The following LRRC1 variants were observed in gnomAD, a reference collection of about 807,000 sequenced individuals.
LRRC1 encodes leucine rich repeat containing 1, also known as leucine-rich repeat-containing protein 1.
In LRRC1, 28 loss-of-function variants were observed where a neutral mutation model predicts 69.9. That is an observed-to-expected ratio of 0.40 (90% CI 0.30 to 0.55). The LOEUF (loss-of-function observed/expected upper bound fraction) is 0.55. Among genes scored for constraint, LRRC1 ranks in the 20% least tolerant of loss-of-function variants. The pLI is 0.47. For synonymous variants in LRRC1, 236 were observed against 240.2 expected (o/e 0.98, Z 0.16); for missense variants, 498 against 609.0 (o/e 0.82, Z 1.92).
chr6:53,820,806 T>G (rs1452711334), intron 1 of LRRC1, among the ~76,000 whole-genome samples: 1 of 152,090 alleles, frequency 6.6e-6, no homozygotes, highest in Non-Finnish European at 1.5e-5. Flanking sequence ...GAAGTGTACA[T>G]GTAGTAAAAT....
chr6:53,922,665 C>G lies in LRRC1; in HGVS notation c.1447C>G (p.Pro483Ala). The G allele has an allele frequency of 1.2e-6, 2 of 1,613,852 alleles. No individual in the cohort carries two copies. Among genetic ancestry groups the G allele is most frequent in the Non-Finnish European group, 1.7e-6 (2 of 1,179,852 alleles). Residue 483 changes from proline (P) to alanine (A), a missense_variant, in exon 14 of 14, where the codon CCA (proline) becomes GCA (alanine). Around this residue, in one of 3 missense-constraint regions of LRRC1, gnomAD observed 162 missense variants for 162.9 expected, o/e 0.99. Transcript: ENST00000370888. Reference sequence around the variant, plus strand: ...ACTTCTAAGGCGAGCCACTCCACACCCAGGGGAGTTAAAGCACATGAAAAA... The same window carrying G: ...ACTTCTAAGGCGAGCCACTCCACACGCAGGGGAGTTAAAGCACATGAAAAA... Reference protein sequence around the residue: ...RTLLRRATPHPGELKHMKKTV... With the variant: ...RTLLRRATPHAGELKHMKKTV...
rs760663842 is a variant in LRRC1 at position 53,899,841 on chromosome 6, C to T, written c.737C>T (p.Thr246Met). 9.9e-6 allele frequency: 16 copies of T among 1,613,926 alleles called. No homozygotes were observed. The highest frequency in any genetic ancestry group is 8.9e-5 in the East Asian group (4 of 44,882). Residue 246 changes from threonine (T) to methionine (M), a missense_variant, in exon 8 of 14, where the codon ACG becomes ATG. Transcript: ENST00000370888. ...PEEISGLTSLTDLVISQNLLE... is the reference protein window; with the variant it reads ...PEEISGLTSLMDLVISQNLLE... ...GAAATCAGTGGCCTGACTTCATTAACGGATTTAGTCATTTCCCAGAACTTA... is the reference window on the plus strand; with the variant it reads ...GAAATCAGTGGCCTGACTTCATTAATGGATTTAGTCATTTCCCAGAACTTA...
chr6:53,796,210 T>A (rs1764297419), intron 1 of LRRC1, among the ~76,000 whole-genome samples: 1 of 152,266 alleles, frequency 6.6e-6, no homozygotes, highest in South Asian at 2.1e-4. Context: ...TGATGCGTTA[T>A]CTCTTCAGAG....
At chr6:53,861,286 TG>T (rs998983770) in intron 2 of LRRC1, among the ~76,000 whole-genome samples, 1 of 151,842 alleles carries the variant, frequency 6.6e-6, no homozygotes, top group African/African-American at 2.4e-5. Context: ...CCTTGAACAA[TG>T]CCCGAGTCCT....
rs146661430 is a variant in LRRC1, at chr6:53,823,815, A to G, written c.160-18295A>G. ...TCCCATCCATATTCCTGCAAAGGAC[A>G]TGATCTCATTCTCTTTCATGGCTGC... On this transcript the variant is annotated intron_variant, in intron 1 of 13. Transcript: ENST00000370888. 2.7e-3 allele frequency among the ~76,000 whole-genome samples: 406 copies of G among 152,338 alleles called. 3 individuals carry two copies. Among genetic ancestry groups the G allele is most frequent in the African/African-American group, 9.2e-3 (382 of 41,584 alleles).
At chr6:53,904,005 T>C (rs1562068499) in intron 9 of LRRC1, among the ~76,000 whole-genome samples, 1 of 152,220 alleles carries the variant, frequency 6.6e-6, no homozygotes, top group Admixed American at 6.5e-5. Context: ...TGCTCTGGCT[T>C]CCACGGACAT....
intron 4 of LRRC1, among the ~76,000 whole-genome samples, chr6:53,894,625 A>T (rs980448620): frequency 6.6e-6 from 1 of 152,244 alleles, no homozygotes; most frequent in African/African-American, 2.4e-5. Context: ...CTGAGGGATT[A>T]CTGTCTTCTT....
intron 2 of LRRC1, among the ~76,000 whole-genome samples, chr6:53,862,286 CGTGT>C (rs6149589): frequency 0.045 from 6,422 of 144,052 alleles, 197 homozygotes; most frequent in African/African-American, 0.094. Flanking sequence ...TAACCTGAAT[CGTGT>C]GTGTGTGTGT....
intron 10 of LRRC1, among the ~76,000 whole-genome samples, chr6:53,913,474 G>A (rs1009476242): frequency 2.0e-5 from 3 of 152,006 alleles, no homozygotes; most frequent in African/African-American, 7.2e-5. Flanking sequence ...TTTGAAAATA[G>A]GATTGTTAAA....
At chr6:53,855,340 A>G (rs1766275632) in intron 2 of LRRC1, among the ~76,000 whole-genome samples, 1 of 152,230 alleles carries the variant, frequency 6.6e-6, no homozygotes, top group Admixed American at 6.5e-5. Context: ...CAGCGAGTGA[A>G]TGAATGAGTG....
At chr6:53,892,211 A>G (rs1390035913) in intron 4 of LRRC1, among the ~76,000 whole-genome samples, 1 of 152,084 alleles carries the variant, frequency 6.6e-6, no homozygotes, top group East Asian at 1.9e-4. Context: ...ACCTTGTTCA[A>G]GCTTCCTCTC....
chr6:53,855,435 A>C (rs1369658777), intron 2 of LRRC1, among the ~76,000 whole-genome samples: 1 of 152,226 alleles, frequency 6.6e-6, no homozygotes, highest in East Asian at 1.9e-4. Flanking sequence ...GGCCCAACAC[A>C]AAAGGTAGCC....
chr6:53,858,392 A>G (rs542544526), intron 2 of LRRC1, among the ~76,000 whole-genome samples: 32 of 152,202 alleles, frequency 2.1e-4, no homozygotes, highest in Admixed American at 3.9e-4. Flanking sequence ...AGGGTTGCCA[A>G]TGTTGGTGTC....
At position 53,802,277 on chromosome 6, in the gene LRRC1, G is replaced by A. The variant is rs558092410; in HGVS notation, c.159+6862G>A. On this transcript the variant is annotated intron_variant, in intron 1 of 13. Coordinates refer to ENST00000370888, the MANE Select transcript of LRRC1 (RefSeq NM_018214.5). ...GAGAGAATAGAGTCCGGGAGACCAG[G>A]CAGGGGCTCGTTGCAGTGGTTTAGG... 7.2e-5 allele frequency among the ~76,000 whole-genome samples: 11 copies of A among 152,278 alleles called. No homozygotes were observed. In the South Asian group the frequency reaches 2.1e-3, roughly 29 times the overall value.
At chr6:53,796,036 A>G (rs2127400055) in intron 1 of LRRC1, among the ~76,000 whole-genome samples, 1 of 152,286 alleles carries the variant, frequency 6.6e-6, no homozygotes, top group African/African-American at 2.4e-5. Flanking sequence ...CTGGAGCGCT[A>G]GGGGCAGGTG....
chr6:53,808,313 G>T (rs999168606), intron 1 of LRRC1, among the ~76,000 whole-genome samples: 3 of 151,808 alleles, frequency 2.0e-5, no homozygotes, highest in African/African-American at 7.3e-5. Flanking sequence ...TGGGGAGGGG[G>T]TAGCAGAATT....
chr6:53,904,216 C>T (rs753600882), intron 9 of LRRC1, among the ~76,000 whole-genome samples, 163 bp from the exon 10 acceptor site: 4 of 152,184 alleles, frequency 2.6e-5, no homozygotes, highest in African/African-American at 7.2e-5. Context: ...TACTTAATGT[C>T]GCACCCCCTA....
chr6:53,869,043 A>G (rs1046448702), intron 2 of LRRC1, among the ~76,000 whole-genome samples: 9 of 152,236 alleles, frequency 5.9e-5, no homozygotes, highest in African/African-American at 2.2e-4. Flanking sequence ...TGAGGCACAG[A>G]TAAGTAGTTT....
chr6:53,903,906 C>T (rs1768147137), intron 9 of LRRC1, among the ~76,000 whole-genome samples: 2 of 152,356 alleles, frequency 1.3e-5, no homozygotes, highest in South Asian at 4.1e-4. Context: ...CTCCCCACTC[C>T]AGGATGCTCA....
Sources: allele counts gnomAD v4.1 joint callset (sites outside exome capture counted in the v4.1 genomes callset), GRCh38; gene constraint gnomAD v4.1.1; regional missense constraint gnomAD v4.1.1; transcripts MANE v1.5; gene names NCBI Gene and HGNC (gene_info 2026-07-23, HGNC 2026-07-21).